Variants in ITGA9 observed in about 807,000 individuals in gnomAD.
The protein encoded by ITGA9 is integrin subunit alpha 9.
A neutral mutation model predicts 127.8 loss-of-function variants in ITGA9; 56 were observed. The observed-to-expected ratio is 0.44, with a 90% CI of 0.35 to 0.55. The LOEUF is 0.55. ITGA9 is among the 20% of genes least tolerant of loss of function. ITGA9 has a pLI of 0.00. For missense variants in ITGA9, 1,196 were observed against 1,347.1 expected (o/e 0.89, Z 1.76); for synonymous variants, 508 against 514.5 (o/e 0.99, Z 0.17).
chr3:37,577,649 A>T (rs1387132076), intron 15 of ITGA9, among the ~76,000 whole-genome samples: 1 of 152,234 alleles, frequency 6.6e-6, no homozygotes, highest in African/African-American at 2.4e-5. Context: ...ATGCATTAGA[A>T]ACTTCTGAAC....
chr3:37,660,628 G>A (rs1490437361), intron 17 of ITGA9, among the ~76,000 whole-genome samples: 2 of 152,150 alleles, frequency 1.3e-5, no homozygotes, highest in Non-Finnish European at 1.5e-5. Flanking sequence ...AACTAGTGTG[G>A]TGGCCAGGAC....
intron 18 of ITGA9, among the ~76,000 whole-genome samples, chr3:37,714,593 AG>A (rs979105564): frequency 1.3e-5 from 2 of 152,294 alleles, no homozygotes; most frequent in Non-Finnish European, 2.9e-5. Context: ...TTCCCTCCCA[AG>A]GGAAGGAAGC....
chr3:37,503,450 G>T, intron 6 of ITGA9, 143 bp downstream of exon 6: 2 of 913,282 alleles, frequency 2.2e-6, no homozygotes, highest in Non-Finnish European at 1.7e-6. Context: ...CTTTAGCCAG[G>T]GCATCTTCAC....
intron 15 of ITGA9, among the ~76,000 whole-genome samples, chr3:37,548,289 A>G (rs1699346873): frequency 6.6e-6 from 1 of 152,150 alleles, no homozygotes; most frequent in Admixed American, 6.5e-5. Flanking sequence ...TTCAGCGGCC[A>G]GGGTTTGGGG....
At chr3:37,591,051 C>T (rs13326107) in intron 15 of ITGA9, among the ~76,000 whole-genome samples, 97,074 of 151,950 alleles carry the variant, frequency 0.64, 31,362 homozygotes, top group East Asian at 0.74. Flanking sequence ...AGTCTGCCTC[C>T]ACTGGGCAGT....
intron 19 of ITGA9, among the ~76,000 whole-genome samples, chr3:37,733,848 T>C (rs1696326834): frequency 2.0e-5 from 3 of 152,240 alleles, no homozygotes; most frequent in African/African-American, 7.2e-5. Context: ...ACTTTCTCAC[T>C]GTTAGGGTCA....
chr3:37,671,038 C>G (rs917332992), intron 17 of ITGA9, among the ~76,000 whole-genome samples: 1 of 152,248 alleles, frequency 6.6e-6, no homozygotes, highest in East Asian at 1.9e-4. Flanking sequence ...TGTGGCAGAT[C>G]GTAGCAGCGG....
At chr3:37,684,556 A>G (rs112936130) in intron 18 of ITGA9, among the ~76,000 whole-genome samples, 117 of 152,092 alleles carry the variant, frequency 7.7e-4, no homozygotes, top group South Asian at 1.7e-3. Context: ...GCTCACTGCA[A>G]CCTCCACCTC....
chr3:37,591,616 G>A (rs1335140648), intron 15 of ITGA9, among the ~76,000 whole-genome samples: 2 of 152,192 alleles, frequency 1.3e-5, no homozygotes, highest in South Asian at 2.1e-4. Context: ...GACCTCGGGG[G>A]TCCAGACTTT....
chr3:37,737,095 G>A, intron 20 of ITGA9, 112 bp downstream of exon 20: 1 of 788,168 alleles, frequency 1.3e-6, no homozygotes, highest in Non-Finnish European at 2.2e-6. Context: ...AGGAAGAAAT[G>A]GTTACTCAGT....
intron 15 of ITGA9, among the ~76,000 whole-genome samples, chr3:37,624,200 CTTTTTTTT>C (rs58307041): frequency 2.3e-5 from 2 of 85,762 alleles, no homozygotes; most frequent in South Asian, 4.3e-4. Context: ...AAAAAAAACC[CTTTTTTTT>C]TTTTTTTTTT....
chr3:37,758,053 G>A (rs1380591254), intron 23 of ITGA9, among the ~76,000 whole-genome samples: 1 of 151,578 alleles, frequency 6.6e-6, no homozygotes, highest in East Asian at 1.9e-4. Context: ...GCCGGGCGCG[G>A]TGGCTCACGC....
chr3:37,713,028 G>T (rs2125679528), intron 18 of ITGA9, among the ~76,000 whole-genome samples: 1 of 152,328 alleles, frequency 6.6e-6, no homozygotes, highest in South Asian at 2.1e-4. Flanking sequence ...TGTTGATGAA[G>T]GACGAGGGTC....
intron 23 of ITGA9, among the ~76,000 whole-genome samples, chr3:37,774,077 T>TC (rs1189387244): frequency 6.6e-6 from 1 of 152,240 alleles, no homozygotes; most frequent in East Asian, 1.9e-4. Context: ...ACTTCTTGAA[T>TC]CCATGTTGGT....
In ITGA9 at chr3:37,629,431, G is replaced by A; in HGVS notation, c.1839+95G>A. 2 of 1,421,712 alleles carry A rather than the reference G, an allele frequency of 1.4e-6. No homozygotes were observed. The highest frequency in any genetic ancestry group is 1.2e-5 in the South Asian group (1 of 82,732). The allele number at this position is 1,421,712 out of a possible 1,614,324, so 88.1% of individuals were successfully genotyped here. ...AGTTGAGAGAGCCGTGGGCCTGGCT[G>A]CTCAGGAGACCGCAGCCAGGACACA... On this transcript the variant is annotated intron_variant, in intron 16 of 27. Coordinates refer to ENST00000264741, the MANE Select transcript of ITGA9 (RefSeq NM_002207.3). The surrounding 1 kb of genome is among the most constrained non-coding windows in gnomAD (Gnocchi z 4.5).
intron 16 of ITGA9, among the ~76,000 whole-genome samples, chr3:37,647,863 A>ATG (rs1553654337): frequency 4.5e-4 from 68 of 152,022 alleles, no homozygotes; most frequent in African/African-American, 1.2e-3. Context: ...GTATATATAT[A>ATG]TGTGTGTGTG....
intron 2 of ITGA9, among the ~76,000 whole-genome samples, 186 bp from the exon 3 acceptor site, chr3:37,473,166 GAA>G (rs1698454465): frequency 7.5e-6 from 1 of 133,878 alleles, no homozygotes; most frequent in African/African-American, 2.8e-5. Context: ...AAAAAAGAAA[GAA>G]AAAGAAAGCC....
At chr3:37,744,540 G>A (rs1211089647) in intron 22 of ITGA9, among the ~76,000 whole-genome samples, 1 of 152,208 alleles carries the variant, frequency 6.6e-6, no homozygotes, top group African/African-American at 2.4e-5. Flanking sequence ...CGGGAGGCAC[G>A]CTGCTCCCTC....
intron 22 of ITGA9, chr3:37,748,307 G>T: frequency 1.8e-6 from 1 of 547,846 alleles, no homozygotes; most frequent in Non-Finnish European, 3.5e-6. Context: ...AGAGTCTACG[G>T]TGTTACCCAG....
Sources: gnomAD v4.1 joint callset for allele counts (sites outside exome capture counted in the v4.1 genomes callset) on GRCh38, gnomAD v4.1.1 for gene constraint, Gnocchi (gnomAD v3.1) non-coding constraint, MANE v1.5 for transcripts, NCBI Gene and HGNC (gene_info 2026-07-23, HGNC 2026-07-21) for gene names.